The following TRIM26 variants were observed in gnomAD, a reference collection of about 807,000 sequenced individuals.
TRIM26 encodes the protein tripartite motif-containing protein 26.
TRIM26 carries 16 observed loss-of-function variants against 45.5 expected under a neutral mutation model. The observed-to-expected ratio is 0.35, with a 90% CI of 0.24 to 0.53. The LOEUF (loss-of-function observed/expected upper bound fraction) is 0.53. Ranked by LOEUF, TRIM26 falls within the 20% of genes least tolerant of loss-of-function variation. The pLI, the probability that TRIM26 is intolerant of heterozygous loss-of-function variation, is 0.92. For synonymous variants in TRIM26, 273 were observed against 290.4 expected, an observed-to-expected ratio of 0.94 and a Z score of 0.61; for missense variants, 442 against 691.1, an observed-to-expected ratio of 0.64 and a Z score of 4.04.
intron 3 of TRIM26, among the ~76,000 whole-genome samples, chr6:30,200,387 T>C (rs1043522027): frequency 1.3e-5 from 2 of 152,266 alleles, no homozygotes; most frequent in Admixed American, 1.3e-4. Flanking sequence ...AGTCTGACTG[T>C]CAGCATTTCC....
In TRIM26 at chr6:30,198,441, G is replaced by A. The variant is rs529012315; in HGVS notation, c.522C>T (p.Ile174=). The part of the protein sequence containing the change: ...QGFQAKGEAD[I]LAALKKLQDQ... The stretch of plus-strand genomic sequence containing the variant: ...CAGCCTCACTTACCAGCGCGGCCAG[G>A]ATATCAGCTTCTCCCTTTGCCTGGA... The change falls in exon 5 of 10, where the codon ATC becomes ATT. Residue 174 remains isoleucine (I), a synonymous_variant. Transcript: ENST00000454678. The surrounding 1 kb of genome is among the most constrained non-coding windows in gnomAD (Gnocchi z 6.3). 1.2e-6 allele frequency: 2 copies of A among 1,613,108 alleles called. No individual in the cohort carries two copies. Among genetic ancestry groups the A allele is most frequent in the East Asian group, 2.2e-5 (1 of 44,884 alleles).
chr6:30,185,835 T>C lies in TRIM26; in HGVS notation c.*41A>G. The C allele has an allele frequency of 6.4e-7, 1 of 1,568,868 alleles. No individual in the cohort carries two copies. Among genetic ancestry groups the C allele is most frequent in the Non-Finnish European group, 8.6e-7 (1 of 1,156,166 alleles). ...TGAGAGTCCTGGAATTCCAAAGAAGTGAAGCATCTGAGGGTTGGGGCTGGG... is the reference window on the plus strand; with the variant it reads ...TGAGAGTCCTGGAATTCCAAAGAAGCGAAGCATCTGAGGGTTGGGGCTGGG... On this transcript the variant is annotated 3_prime_UTR_variant, in exon 10 of 10. Transcript: ENST00000454678. This position sits in a 1 kb window ranked among gnomAD's most constrained non-coding sequence, Gnocchi z 5.7.
At chr6:30,211,134 A>C (rs1391262539) in intron 1 of TRIM26, among the ~76,000 whole-genome samples, 1 of 151,822 alleles carries the variant, frequency 6.6e-6, no homozygotes, top group Non-Finnish European at 1.5e-5. Flanking sequence ...TGCCATCTCC[A>C]TTCTTCCCCC....
At position 30,186,899 on chromosome 6, in the gene TRIM26, A is replaced by C. The variant is rs1775252197; in HGVS notation, c.938-341T>G. ...CATCATTAATATCATCCAAGTGTGG[A>C]TCACCAGTCCCTGAAAAATCTGTTC... On this transcript the variant is annotated intron_variant, in intron 9 of 9. Transcript: ENST00000454678. This position sits in a 1 kb window ranked among gnomAD's most constrained non-coding sequence, Gnocchi z 7.4. The C allele has an allele frequency of 1.5e-6, 1 of 672,558 alleles. No individual in the cohort carries two copies. Among genetic ancestry groups the C allele is most frequent in the Admixed American group, 2.5e-5 (1 of 40,080 alleles). 41.7% of individuals were successfully genotyped at this position (672,558 alleles called of 1,614,324 possible).
intron 2 of TRIM26, among the ~76,000 whole-genome samples, chr6:30,202,922 C>T (rs6942037): frequency 0.036 from 5,419 of 151,298 alleles, 165 homozygotes; most frequent in Middle Eastern, 0.1. Flanking sequence ...AAATGCAATA[C>T]GTGAACCTTG....
rs2127507927 is a variant in TRIM26, at chr6:30,197,812, A to T, written c.534+617T>A. On this transcript the variant is annotated intron_variant, in intron 5 of 9. Transcript: ENST00000454678. Reference sequence around the variant, plus strand: ...AATAATGACAAGAAAAAAAATCTGTACATGTTCAGTAGAGACGCTTTTTCT... The same window carrying T: ...AATAATGACAAGAAAAAAAATCTGTTCATGTTCAGTAGAGACGCTTTTTCT... Among the ~76,000 whole-genome samples, 3 of 152,334 alleles carry T rather than the reference A, an allele frequency of 2.0e-5. No individual in the cohort carries two copies. In the South Asian group the frequency reaches 6.2e-4, roughly 32 times the overall value.
Position 30,198,367 on chromosome 6 carries a change from C to T in TRIM26, c.534+62G>A, listed in dbSNP as rs969772282. 1 of 1,588,942 alleles carries T rather than the reference C, an allele frequency of 6.3e-7. No homozygotes were observed. Among genetic ancestry groups the T allele is most frequent in the Non-Finnish European group, 8.6e-7 (1 of 1,160,790 alleles). On this transcript the variant is annotated intron_variant, in intron 5 of 9. Transcript: ENST00000454678. This position sits in a 1 kb window ranked among gnomAD's most constrained non-coding sequence, Gnocchi z 6.3. ...ACCTCCCAGCTGCCGCCTACTTGCC[C>T]AGGCTCACCCTGCCCTACACGGGCG...
Position 30,186,811 on chromosome 6 carries a change from C to A in TRIM26, c.938-253G>T. 1 of 1,090,838 alleles carries A rather than the reference C, an allele frequency of 9.2e-7. No homozygotes were observed. Among genetic ancestry groups the A allele is most frequent in the South Asian group, 1.3e-5 (1 of 75,030 alleles). 67.6% of individuals were successfully genotyped at this position (1,090,838 alleles called of 1,614,324 possible). A position where few individuals can be genotyped will look rare whatever the true frequency, so the allele number is the denominator to read the frequency against. On this transcript the variant is annotated intron_variant, in intron 9 of 9. Transcript: ENST00000454678. This position sits in a 1 kb window ranked among gnomAD's most constrained non-coding sequence, Gnocchi z 7.4. ...AATTTAACTTGACTGTTTTCGCTTACGCTCTGATTCCAAACAAAACTTTTC... is the reference window on the plus strand; with the variant it reads ...AATTTAACTTGACTGTTTTCGCTTAAGCTCTGATTCCAAACAAAACTTTTC...
At chr6:30,205,806 C>G (rs1383320357) in intron 1 of TRIM26, among the ~76,000 whole-genome samples, 2 of 152,238 alleles carry the variant, frequency 1.3e-5, no homozygotes, top group Admixed American at 6.5e-5. Flanking sequence ...TGCGCCACTG[C>G]ACTCCAGCCT....
chr6:30,186,869 C>A lies in TRIM26; in HGVS notation c.938-311G>T. On this transcript the variant is annotated intron_variant, in intron 9 of 9. Transcript: ENST00000454678. The surrounding 1 kb of genome is among the most constrained non-coding windows in gnomAD (Gnocchi z 7.4). ...TCCTCTATCTCTGGATCTCTGGGTC[C>A]AACTCATCATTAATATCATCCAAGT... 1 of 801,226 alleles carries A rather than the reference C, an allele frequency of 1.2e-6. No homozygotes were observed. Among genetic ancestry groups the A allele is most frequent in the South Asian group, 1.5e-5 (1 of 67,718 alleles). 49.6% of individuals were successfully genotyped at this position (801,226 alleles called of 1,614,324 possible).
At chr6:30,191,882 TAA>T (rs577895806) in intron 6 of TRIM26, among the ~76,000 whole-genome samples, 2 of 152,122 alleles carry the variant, frequency 1.3e-5, no homozygotes, top group Non-Finnish European at 2.9e-5. Flanking sequence ...AAAGGTGGCA[TAA>T]AAGAGCAAAT....
intron 2 of TRIM26, among the ~76,000 whole-genome samples, chr6:30,202,997 G>C (rs1777340728): frequency 6.6e-6 from 1 of 150,750 alleles, no homozygotes; most frequent in Non-Finnish European, 1.5e-5. Context: ...TGGGAAATTT[G>C]TAAGTAGGCT....
intron 1 of TRIM26, among the ~76,000 whole-genome samples, chr6:30,205,893 T>C (rs1777680998): frequency 6.6e-6 from 1 of 152,124 alleles, no homozygotes; most frequent in Non-Finnish European, 1.5e-5. Context: ...ATCCCAAATG[T>C]GGACTCTGGG....
rs193231591 is a variant in TRIM26, at chr6:30,192,973, A to T, written c.766-2938T>A. Among the ~76,000 whole-genome samples, 227 of 149,990 alleles carry T rather than the reference A, an allele frequency of 1.5e-3. 3 individuals are homozygous for T. Among genetic ancestry groups the T allele is most frequent in the Middle Eastern group, 0.01 (3 of 290 alleles). On this transcript the variant is annotated intron_variant, in intron 6 of 9. Coordinates refer to ENST00000454678, the MANE Select transcript of TRIM26 (RefSeq NM_003449.5). ...AAATCAGTTGGCTGTAAATATGTGA[A>T]TTTATTTCTGAGTTCTCTACTCTGT...
chr6:30,209,252 A>AT lies in TRIM26; in HGVS notation c.-376+4052dup, dbSNP rs763428644. Among the ~76,000 whole-genome samples the AT allele has an allele frequency of 2.9e-4, 44 of 152,312 alleles. No individual in the cohort carries two copies. The highest frequency in any genetic ancestry group is 6.8e-3 in the Middle Eastern group (2 of 294). On this transcript the variant is annotated intron_variant, in intron 1 of 9. Coordinates refer to ENST00000454678, the MANE Select transcript of TRIM26 (RefSeq NM_003449.5). This position sits in a 1 kb window ranked among gnomAD's most constrained non-coding sequence, Gnocchi z 4.8. Reference sequence around the variant, plus strand: ...AAATTTGAGACACCTGTGACATCACATTTTAGCATCTCTGAAATGTGATCA... The same window carrying AT: ...AAATTTGAGACACCTGTGACATCACATTTTTAGCATCTCTGAAATGTGATCA...
In TRIM26 at chr6:30,186,635, A is replaced by G. The variant is rs988085590; in HGVS notation, c.938-77T>C. The G allele has an allele frequency of 4.8e-6, 7 of 1,449,170 alleles. No individual in the cohort carries two copies. The African/African-American group carries it at 8.6e-5, about 18-fold the overall frequency. 89.8% of individuals were successfully genotyped at this position (1,449,170 alleles called of 1,614,324 possible). ...TTTTAAGTCAGAGGGAATAAAATTT[A>G]TTTTGGCAGATAGCGTTAAACAAAA... On this transcript the variant is annotated intron_variant, in intron 9 of 9. Coordinates refer to ENST00000454678, the MANE Select transcript of TRIM26 (RefSeq NM_003449.5). The surrounding 1 kb of genome is among the most constrained non-coding windows in gnomAD (Gnocchi z 7.4).
chr6:30,195,778 C>G (rs1776397579), intron 6 of TRIM26, among the ~76,000 whole-genome samples: 1 of 152,168 alleles, frequency 6.6e-6, no homozygotes, highest in African/African-American at 2.4e-5. Context: ...ATCAGAGAGC[C>G]CCTCCCCTCC....
chr6:30,203,100 G>A (rs150749932), intron 2 of TRIM26, among the ~76,000 whole-genome samples: 2 of 145,632 alleles, frequency 1.4e-5, no homozygotes, highest in African/African-American at 5.0e-5. Flanking sequence ...CCAGAGTGCA[G>A]TGGAACTATC....
chr6:30,200,089 A>C (rs1776989973), intron 3 of TRIM26, among the ~76,000 whole-genome samples: 1 of 152,144 alleles, frequency 6.6e-6, no homozygotes, highest in South Asian at 2.1e-4. Flanking sequence ...TCAGCAACAT[A>C]GTGAGACCCT....
Sources: allele counts gnomAD v4.1 joint callset (sites outside exome capture counted in the v4.1 genomes callset), GRCh38; gene constraint gnomAD v4.1.1; non-coding constraint Gnocchi (gnomAD v3.1); transcripts MANE v1.5; gene names NCBI Gene and HGNC (gene_info 2026-07-23, HGNC 2026-07-21).